The following SLC6A20 variants were observed in gnomAD, a reference collection of about 807,000 sequenced individuals.
SLC6A20 encodes the protein sodium- and chloride-dependent transporter XTRP3.
SLC6A20 carries 73 observed loss-of-function variants against 64.3 expected under a neutral mutation model. The ratio of observed to expected loss-of-function variants is 1.14; its 90% CI spans 0.94 to 1.38. The LOEUF is 1.38. SLC6A20 is among the 40% of genes most tolerant of loss of function. The pLI, the probability that SLC6A20 is intolerant of heterozygous loss-of-function variation, is 0.00. For missense variants in SLC6A20, 725 were observed against 772.8 expected (o/e 0.94, Z 0.73); for synonymous variants, 347 against 329.6 (o/e 1.05, Z -0.57).
intron 8 of SLC6A20, among the ~76,000 whole-genome samples, chr3:45,763,959 A>C (rs1699728490): frequency 6.6e-6 from 1 of 152,136 alleles, no homozygotes; most frequent in Non-Finnish European, 1.5e-5. Flanking sequence ...GGCTACAAAG[A>C]CCAGGCCTGA....
chr3:45,773,802 GGT>G (rs1310811772), intron 4 of SLC6A20, among the ~76,000 whole-genome samples: 1 of 152,142 alleles, frequency 6.6e-6, no homozygotes, highest in Non-Finnish European at 1.5e-5. Flanking sequence ...TGGAATGTGG[GGT>G]GTGTCTTTTA....
In SLC6A20 at chr3:45,757,376, G is replaced by A. The variant is rs886058532; in HGVS notation, c.*1602C>T. 3 of 152,104 alleles carry A rather than the reference G, an allele frequency of 2.0e-5. No individual in the cohort carries two copies. The highest frequency in any genetic ancestry group is 6.6e-5 in the Admixed American group (1 of 15,264). 9.4% of individuals were successfully genotyped at this position (152,104 alleles called of 1,614,324 possible). On this transcript the variant is annotated 3_prime_UTR_variant, in exon 11 of 11. Coordinates refer to ENST00000358525, the MANE Select transcript of SLC6A20 (RefSeq NM_020208.4). ...GGCCATATCTCAGGCTGTCTCAGTG[G>A]GGGGGAAACCTTGGACAATACCCAG... is the stretch of plus-strand genomic sequence containing the variant.
intron 2 of SLC6A20, among the ~76,000 whole-genome samples, chr3:45,781,657 G>A (rs1016091644): frequency 6.6e-6 from 1 of 152,204 alleles, no homozygotes; most frequent in East Asian, 1.9e-4. Context: ...GATTAAATGA[G>A]CTCATGCACA....
chr3:45,787,510 C>T lies in SLC6A20; in HGVS notation c.122-5287G>A, dbSNP rs558909756. 2.0e-4 allele frequency among the ~76,000 whole-genome samples: 30 copies of T among 152,302 alleles called. No homozygotes were observed. The South Asian group carries it at 6.2e-3, about 32-fold the overall frequency. On this transcript the variant is annotated intron_variant, in intron 1 of 10. Coordinates refer to ENST00000358525, the MANE Select transcript of SLC6A20 (RefSeq NM_020208.4). ...CTAGCAAGGAAGCTCTCCTCTTGTT[C>T]TCTGCTCTGCTTAGAACAGCACTGG...
intron 3 of SLC6A20, among the ~76,000 whole-genome samples, chr3:45,777,987 T>C (rs1309142820): frequency 6.6e-6 from 1 of 152,072 alleles, no homozygotes; most frequent in African/African-American, 2.4e-5. Context: ...CGCAACTTCA[T>C]CTCCCCAGTG....
chr3:45,758,977 C>A lies in SLC6A20; in HGVS notation c.*1G>T. 1 of 1,599,262 alleles carries A rather than the reference C, an allele frequency of 6.3e-7. No homozygotes were observed. Among genetic ancestry groups the A allele is most frequent in the Non-Finnish European group, 8.5e-7 (1 of 1,173,088 alleles). ...CCGTGAGCGGCTGGGAAGCCCACAT[C>A]TCAGGCCACGGGGTCTGCGTCTCCC... On this transcript the variant is annotated 3_prime_UTR_variant, in exon 11 of 11. Coordinates refer to ENST00000358525, the MANE Select transcript of SLC6A20 (RefSeq NM_020208.4).
At chr3:45,764,365 A>G (rs778556539) in intron 8 of SLC6A20, among the ~76,000 whole-genome samples, 3 of 152,226 alleles carry the variant, frequency 2.0e-5, no homozygotes, top group Non-Finnish European at 4.4e-5. Context: ...AGTGAAGACA[A>G]TAGACGTAGA....
rs1227459153 is a variant in SLC6A20, at chr3:45,756,555, T to C, written c.*2423A>G. ...GGTTGCTGAAGACAGTAGAAGACCT[T>C]TCTAAAGCCTATTTTTGCTGTAAGA... On this transcript the variant is annotated 3_prime_UTR_variant, in exon 11 of 11. Transcript: ENST00000358525. 1 of 152,128 alleles carries C rather than the reference T, an allele frequency of 6.6e-6. No individual in the cohort carries two copies. The highest frequency in any genetic ancestry group is 2.4e-5 in the African/African-American group (1 of 41,418). 9.4% of individuals were successfully genotyped at this position (152,128 alleles called of 1,614,324 possible).
intron 5 of SLC6A20, 49 bp downstream of exon 5, chr3:45,772,456 G>T (rs759652381): frequency 1.3e-6 from 2 of 1,506,008 alleles, no homozygotes; most frequent in South Asian, 1.2e-5. Context: ...CTGGAAGGTG[G>T]CAGGATAAGT....
chr3:45,789,797 G>A (rs528043090), intron 1 of SLC6A20, among the ~76,000 whole-genome samples: 19 of 151,762 alleles, frequency 1.3e-4, no homozygotes, highest in Admixed American at 1.2e-3. Context: ...TCACTATATT[G>A]CTCAGGCTGA....
chr3:45,784,233 T>C (rs893389895), intron 1 of SLC6A20, among the ~76,000 whole-genome samples: 2 of 152,180 alleles, frequency 1.3e-5, no homozygotes, highest in African/African-American at 4.8e-5. Flanking sequence ...AATAAACACA[T>C]AATCTGGGTG....
chr3:45,762,870 G>A, intron 9 of SLC6A20, 43 bp downstream of exon 9: 1 of 1,607,298 alleles, frequency 6.2e-7, no homozygotes, highest in East Asian at 2.2e-5. Flanking sequence ...GGCCTCTGTG[G>A]CTGTGTTTTC....
intron 4 of SLC6A20, 51 bp from the exon 5 acceptor site, chr3:45,772,666 G>C: frequency 6.9e-7 from 1 of 1,456,612 alleles, no homozygotes; most frequent in Non-Finnish European, 9.5e-7. Context: ...GGGGTCCACA[G>C]GACAGACCCA....
At chr3:45,771,622 T>G in intron 5 of SLC6A20, 164 bp from the exon 6 acceptor site, 4 of 1,088,866 alleles carry the variant, frequency 3.7e-6, no homozygotes, top group Non-Finnish European at 5.1e-6. Context: ...CCCCATCCAC[T>G]CCCTGGCAGA....
Position 45,758,418 on chromosome 3 carries a change from A to C in SLC6A20, c.*560T>G, listed in dbSNP as rs1056357359. The C allele has an allele frequency of 7.8e-7, 1 of 1,276,796 alleles. No homozygotes were observed. Among genetic ancestry groups the C allele is most frequent in the African/African-American group, 1.5e-5 (1 of 65,042 alleles). 79.1% of individuals were successfully genotyped at this position (1,276,796 alleles called of 1,614,324 possible). A position where few individuals can be genotyped will look rare whatever the true frequency, so the allele number is the denominator to read the frequency against. On this transcript the variant is annotated 3_prime_UTR_variant, in exon 11 of 11. Transcript: ENST00000358525. Reference sequence around the variant, plus strand: ...GAGAAAGGATCCCTTTGGGGGTCCCAGACAAAGATCTTCTTTCTTTATAAC... The same window carrying C: ...GAGAAAGGATCCCTTTGGGGGTCCCCGACAAAGATCTTCTTTCTTTATAAC...
rs1700350491 is a variant in SLC6A20, at chr3:45,796,451, CG to C, written c.-33del. On this transcript the variant is annotated 5_prime_UTR_variant, in exon 1 of 11. Coordinates refer to ENST00000358525, the MANE Select transcript of SLC6A20 (RefSeq NM_020208.4). ...GGCCTCGGCGCGCTCGGCTCCGGCT[CG>C]GGGGTCCGGCACGGCAGTCTCAGTG... 1.9e-6 allele frequency: 3 copies of C among 1,599,028 alleles called. No individual in the cohort carries two copies. The highest frequency in any genetic ancestry group is 2.7e-5 in the African/African-American group (2 of 73,398).
At position 45,775,884 on chromosome 3, in the gene SLC6A20, G is replaced by A. The variant is rs1699957183; in HGVS notation, c.459C>T (p.Thr153=). 8 of 1,614,110 alleles carry A rather than the reference G, an allele frequency of 5.0e-6. No individual in the cohort carries two copies. Among genetic ancestry groups the A allele is most frequent in the Non-Finnish European group, 6.8e-6 (8 of 1,180,032 alleles). The change falls in exon 4 of 11, where the codon ACC becomes ACT. Residue 153 remains threonine, a synonymous_variant. Transcript: ENST00000358525. The part of the protein sequence containing the change: ...SSTQYFWYRK[T]LNISPSLQEN... ...CCTGGAGGGACGGCGAGATATTGAG[G>A]GTTTTCCTGTACCAGAAGTACTGTG...
chr3:45,791,112 G>A (rs1257045043), intron 1 of SLC6A20, among the ~76,000 whole-genome samples: 1 of 152,168 alleles, frequency 6.6e-6, no homozygotes, highest in African/African-American at 2.4e-5. Context: ...ACAGTGCTTT[G>A]TTAAAGCTTT....
chr3:45,781,332 T>C (rs1700081479), intron 2 of SLC6A20, among the ~76,000 whole-genome samples: 1 of 152,306 alleles, frequency 6.6e-6, no homozygotes, highest in South Asian at 2.1e-4. Flanking sequence ...AGGTCACATA[T>C]AAGCTTCCAC....
Sources: allele counts gnomAD v4.1 joint callset (sites outside exome capture counted in the v4.1 genomes callset), GRCh38; gene constraint gnomAD v4.1.1; transcripts MANE v1.5; gene names NCBI Gene and HGNC (gene_info 2026-07-23, HGNC 2026-07-21).